The following ERCC6 variants were observed in gnomAD, a reference collection of about 807,000 sequenced individuals.
ERCC6 encodes the protein ERCC excision repair 6, chromatin remodeling factor.
Under a neutral mutation model 158.7 loss-of-function variants are expected in ERCC6, and 116 were observed. The ratio of observed to expected loss-of-function variants is 0.73; its 90% CI spans 0.63 to 0.85. The LOEUF (loss-of-function observed/expected upper bound fraction) is 0.85, where lower values mean the gene tolerates loss of function less well. Ranked by LOEUF, ERCC6 falls within the 40% of genes least tolerant of loss-of-function variation. ERCC6 has a pLI of 0.00. For missense variants in ERCC6, 1,698 were observed against 1,799.4 expected, an observed-to-expected ratio of 0.94 and a Z score of 1.02; for synonymous variants, 678 against 659.3, an observed-to-expected ratio of 1.03 and a Z score of -0.43.
intron 5 of ERCC6, among the ~76,000 whole-genome samples, chr10:49,512,869 G>A (rs577919468): frequency 2.6e-5 from 4 of 152,216 alleles, no homozygotes; most frequent in Admixed American, 1.3e-4. Context: ...GTGGCATCAC[G>A]TTGCTAAAAA....
intron 8 of ERCC6, among the ~76,000 whole-genome samples, chr10:49,488,952 T>C (rs1356360670): frequency 6.6e-6 from 1 of 152,044 alleles, no homozygotes; most frequent in Non-Finnish European, 1.5e-5. Context: ...GCCTGGCTAA[T>C]TTTTTGTATT....
intron 2 of ERCC6, among the ~76,000 whole-genome samples, chr10:49,532,178 A>G (rs994253356): frequency 6.6e-6 from 1 of 152,334 alleles, no homozygotes; most frequent in African/African-American, 2.4e-5. Context: ...CCGCACAGAG[A>G]AAAATGTGAA....
intron 8 of ERCC6, among the ~76,000 whole-genome samples, chr10:49,492,494 T>C (rs1390506600): frequency 6.6e-6 from 1 of 152,172 alleles, no homozygotes; most frequent in Non-Finnish European, 1.5e-5. Context: ...TCTGGATGGT[T>C]AGACAGATGA....
intron 10 of ERCC6, among the ~76,000 whole-genome samples, chr10:49,481,272 G>C (rs896306875): frequency 4.0e-5 from 6 of 151,894 alleles, no homozygotes; most frequent in African/African-American, 1.5e-4. Flanking sequence ...AGGTTTTCTT[G>C]TTTGTTTGTT....
intron 5 of ERCC6, among the ~76,000 whole-genome samples, chr10:49,508,794 A>G (rs1851487601): frequency 6.6e-6 from 1 of 152,178 alleles, no homozygotes; most frequent in Non-Finnish European, 1.5e-5. Context: ...CAGCACAGCT[A>G]AAGATGGGGC....
chr10:49,513,656 G>A (rs531104994), intron 5 of ERCC6, among the ~76,000 whole-genome samples: 75 of 152,196 alleles, frequency 4.9e-4, no homozygotes, highest in African/African-American at 1.8e-3. Context: ...GCAAGCACAG[G>A]AAAAACTTCC....
chr10:49,485,971 G>C (rs1391046065), intron 8 of ERCC6, among the ~76,000 whole-genome samples: 1 of 151,994 alleles, frequency 6.6e-6, no homozygotes, highest in Non-Finnish European at 1.5e-5. Context: ...TGTAATATGG[G>C]AATTATCAAA....
chr10:49,522,312 T>C (rs76062895), intron 5 of ERCC6, among the ~76,000 whole-genome samples: 2,231 of 152,272 alleles, frequency 0.015, 47 homozygotes, highest in African/African-American at 0.05. Flanking sequence ...AGCATTTTAT[T>C]TTCTTTCATC....
chr10:49,485,242 T>C (rs1334877372), intron 8 of ERCC6, among the ~76,000 whole-genome samples: 1 of 152,188 alleles, frequency 6.6e-6, no homozygotes, highest in Admixed American at 6.5e-5. Flanking sequence ...GAACTGGGGC[T>C]TGGAAATGGT....
chr10:49,497,302 T>C (rs1433098588), intron 7 of ERCC6, among the ~76,000 whole-genome samples: 7 of 152,242 alleles, frequency 4.6e-5, no homozygotes, highest in Non-Finnish European at 1.0e-4. Context: ...ATCATCAATA[T>C]GCACTTAGCA....
At chr10:49,497,062 A>G (rs1002982084) in intron 7 of ERCC6, among the ~76,000 whole-genome samples, 6 of 152,108 alleles carry the variant, frequency 3.9e-5, no homozygotes, top group African/African-American at 1.2e-4. Flanking sequence ...CTGCCCTTCA[A>G]CTGGGTGGAA....
chr10:49,471,745 T>C (rs1463417041), intron 16 of ERCC6, among the ~76,000 whole-genome samples: 2 of 152,172 alleles, frequency 1.3e-5, no homozygotes, highest in Non-Finnish European at 2.9e-5. Context: ...GAGGAAGATG[T>C]AATGTTCCAG....
At chr10:49,448,184 C>T in the ERCC6 span, among the ~76,000 whole-genome samples, 1 of 152,122 alleles carries the variant, frequency 6.6e-6, no homozygotes, top group African/African-American at 2.4e-5. Context: ...TTATCCATGT[C>T]CTTGTCAACA....
At chr10:49,447,943 A>G in the ERCC6 span, among the ~76,000 whole-genome samples, 1 of 152,170 alleles carries the variant, frequency 6.6e-6, no homozygotes, top group Non-Finnish European at 1.5e-5. Flanking sequence ...TTCATCTGTC[A>G]ATGGACGCTT....
At chr10:49,526,517 T>G (rs1249976856) in intron 4 of ERCC6, among the ~76,000 whole-genome samples, 1 of 152,148 alleles carries the variant, frequency 6.6e-6, no homozygotes, top group Non-Finnish European at 1.5e-5. Context: ...CTTCCCCAGC[T>G]CAGTATCTTG....
chr10:49,451,543 T>C (rs145597102), downstream of ERCC6, among the ~76,000 whole-genome samples: 112 of 152,326 alleles, frequency 7.4e-4, no homozygotes, highest in African/African-American at 2.5e-3. Context: ...GAGATGACTT[T>C]TTTATTATAT....
intron 20 of ERCC6, 153 bp downstream of exon 20, chr10:49,460,220 A>C (rs1162715860): frequency 4.4e-6 from 3 of 686,250 alleles, no homozygotes; most frequent in Middle Eastern, 2.6e-4. Flanking sequence ...GATTCAAGTG[A>C]ATGTGCATCG....
intron 5 of ERCC6, among the ~76,000 whole-genome samples, chr10:49,514,923 A>C (rs4253077): frequency 0.87 from 132,508 of 152,188 alleles, 58,148 homozygotes; most frequent in East Asian, 1. Context: ...TTAATTGGCA[A>C]ATCTGAGCAG....
chr10:49,522,889 G>C (rs1402232192), intron 5 of ERCC6, among the ~76,000 whole-genome samples: 1 of 152,154 alleles, frequency 6.6e-6, no homozygotes. Flanking sequence ...TACTACATAA[G>C]GTGCTACTAG....
Sources: allele counts gnomAD v4.1 joint callset (sites outside exome capture counted in the v4.1 genomes callset), GRCh38; gene constraint gnomAD v4.1.1; transcripts MANE v1.5; gene names NCBI Gene and HGNC (gene_info 2026-07-23, HGNC 2026-07-21).